Variants in GALNTL6 observed in about 807,000 individuals in gnomAD.
The protein encoded by GALNTL6 is polypeptide N-acetylgalactosaminyltransferase-like 6.
A neutral mutation model predicts 73.7 loss-of-function variants in GALNTL6; 46 were observed. The observed-to-expected ratio is 0.62, with a 90% CI of 0.49 to 0.80. The LOEUF is 0.80. Among genes scored for constraint, GALNTL6 ranks in the 30% least tolerant of loss-of-function variants. GALNTL6 has a pLI of 0.00. For missense variants in GALNTL6, 604 were observed against 755.0 expected, an observed-to-expected ratio of 0.80 and a Z score of 2.34; for synonymous variants, 259 against 263.7, an observed-to-expected ratio of 0.98 and a Z score of 0.17.
At chr4:172,115,411 AGAT>A (rs1479350326) in intron 2 of GALNTL6, among the ~76,000 whole-genome samples, 1 of 152,174 alleles carries the variant, frequency 6.6e-6, no homozygotes, top group Non-Finnish European at 1.5e-5. Context: ...AGCTTAGTGA[AGAT>A]GATGTAAAAT....
In GALNTL6 at chr4:172,289,890, C is replaced by T. The variant is rs116435107; in HGVS notation, c.248-21724C>T. Among the ~76,000 whole-genome samples the T allele has an allele frequency of 6.0e-3, 916 of 152,254 alleles. 11 individuals carry two copies. The highest frequency in any genetic ancestry group is 0.02 in the African/African-American group (849 of 41,566). ...AAAGAGACTTAAGCTATTCTCTAGACTTCTTGGTTATTACTCATGTAGTTA... is the reference window on the plus strand; with the variant it reads ...AAAGAGACTTAAGCTATTCTCTAGATTTCTTGGTTATTACTCATGTAGTTA... On this transcript the variant is annotated intron_variant, in intron 3 of 12. Transcript: ENST00000506823.
At chr4:172,118,238 A>G (rs912678354) in intron 2 of GALNTL6, among the ~76,000 whole-genome samples, 1 of 152,158 alleles carries the variant, frequency 6.6e-6, no homozygotes, top group East Asian at 1.9e-4. Flanking sequence ...TTAATTTGAA[A>G]TATAAAATTT....
intron 2 of GALNTL6, among the ~76,000 whole-genome samples, chr4:171,966,209 A>G (rs898355201): frequency 2.2e-4 from 33 of 152,198 alleles, no homozygotes; most frequent in Non-Finnish European, 4.4e-4. Context: ...ACCTTCTGGC[A>G]TCTCCAGCAC....
chr4:172,890,467 G>A (rs937803174), intron 8 of GALNTL6, among the ~76,000 whole-genome samples: 3 of 152,082 alleles, frequency 2.0e-5, no homozygotes, highest in African/African-American at 7.2e-5. Flanking sequence ...TCATTCAGGA[G>A]CAAGTTGTTT....
chr4:172,721,771 G>A (rs1409979849), intron 5 of GALNTL6, among the ~76,000 whole-genome samples: 1 of 152,140 alleles, frequency 6.6e-6, no homozygotes, highest in Non-Finnish European at 1.5e-5. Flanking sequence ...ACTTTATGTG[G>A]TCTTTTAGAT....
At chr4:172,171,835 A>G (rs1424723022) in intron 2 of GALNTL6, among the ~76,000 whole-genome samples, 2 of 152,150 alleles carry the variant, frequency 1.3e-5, no homozygotes, top group Non-Finnish European at 2.9e-5. Flanking sequence ...AAAGCAAAAA[A>G]GATGTAGGAC....
At chr4:173,024,700 C>G (rs1753161944) in intron 12 of GALNTL6, among the ~76,000 whole-genome samples, 1 of 152,178 alleles carries the variant, frequency 6.6e-6, no homozygotes, top group African/African-American at 2.4e-5. Context: ...CCTGCCTCAG[C>G]CTCCCAAGTA....
At chr4:172,816,778 A>G (rs1648344519) in intron 7 of GALNTL6, among the ~76,000 whole-genome samples, 2 of 152,166 alleles carry the variant, frequency 1.3e-5, no homozygotes, top group Non-Finnish European at 2.9e-5. Context: ...AAATTATTAT[A>G]TGGTGGTCAT....
chr4:171,825,129 A>C (rs759300604), intron 2 of GALNTL6, among the ~76,000 whole-genome samples: 8 of 152,206 alleles, frequency 5.3e-5, no homozygotes, highest in Non-Finnish European at 7.3e-5. Flanking sequence ...CTAGTTGCCA[A>C]AGACAATTCT....
chr4:172,341,739 C>T (rs946750200), intron 4 of GALNTL6, among the ~76,000 whole-genome samples: 17 of 152,182 alleles, frequency 1.1e-4, no homozygotes, highest in Non-Finnish European at 2.1e-4. Context: ...TCCTCCTTCC[C>T]TCCCTCCATG....
intron 2 of GALNTL6, among the ~76,000 whole-genome samples, chr4:172,040,833 A>G (rs1021665991): frequency 2.0e-4 from 30 of 152,218 alleles, no homozygotes; most frequent in African/African-American, 7.0e-4. Flanking sequence ...ATTATCTTAG[A>G]ATAATTAAAC....
At chr4:171,994,291 T>C (rs1740423206) in intron 2 of GALNTL6, among the ~76,000 whole-genome samples, 1 of 152,052 alleles carries the variant, frequency 6.6e-6, no homozygotes, top group Non-Finnish European at 1.5e-5. Flanking sequence ...GTGGTCTTAA[T>C]TGGCAATTAA....
At position 172,070,753 on chromosome 4, in the gene GALNTL6, CT is replaced by C. The variant is rs754886079; in HGVS notation, c.139-158902del. On this transcript the variant is annotated intron_variant, in intron 2 of 12. Transcript: ENST00000506823. Reference sequence around the variant, plus strand: ...GTAAGACAGATAGTAAAAAAGATCTCTGTTAATTCATGTTCTAGAAAGGATA... The same window carrying C: ...GTAAGACAGATAGTAAAAAAGATCTCGTTAATTCATGTTCTAGAAAGGATA... Among the ~76,000 whole-genome samples, 18 of 110,098 alleles carry C rather than the reference CT, an allele frequency of 1.6e-4. 4 individuals carry two copies. Among genetic ancestry groups the C allele is most frequent in the Non-Finnish European group, 1.0e-4 (5 of 49,596 alleles). The allele number at this position is 110,098 out of a possible 152,430, so 72.2% of individuals were successfully genotyped here.
intron 2 of GALNTL6, among the ~76,000 whole-genome samples, chr4:172,210,857 A>G (rs1377207626): frequency 1.3e-5 from 2 of 152,160 alleles, no homozygotes; most frequent in Non-Finnish European, 2.9e-5. Context: ...TTATTTATTT[A>G]TTCAATCATT....
chr4:172,099,832 T>C (rs1245795061), intron 2 of GALNTL6, among the ~76,000 whole-genome samples: 2 of 152,176 alleles, frequency 1.3e-5, no homozygotes, highest in African/African-American at 4.8e-5. Context: ...GGTCTTTGCA[T>C]GAAACCACGA....
chr4:172,429,696 G>A (rs965677761), intron 5 of GALNTL6, among the ~76,000 whole-genome samples: 2 of 152,104 alleles, frequency 1.3e-5, no homozygotes, highest in African/African-American at 4.8e-5. Flanking sequence ...CTAAGATGTA[G>A]GCTTTCACCT....
chr4:172,764,089 G>A (rs1439949025), intron 5 of GALNTL6, among the ~76,000 whole-genome samples: 1 of 151,872 alleles, frequency 6.6e-6, no homozygotes. Context: ...CTCCCAAGTA[G>A]CTGGGATTAC....
intron 7 of GALNTL6, among the ~76,000 whole-genome samples, chr4:172,854,352 A>G (rs1002206225): frequency 5.9e-5 from 9 of 152,214 alleles, no homozygotes; most frequent in Non-Finnish European, 1.2e-4. Context: ...ATTTTTGTAT[A>G]TGTCATAGAA....
intron 2 of GALNTL6, among the ~76,000 whole-genome samples, chr4:172,056,309 T>C (rs1025572081): frequency 6.6e-6 from 1 of 152,170 alleles, no homozygotes; most frequent in African/African-American, 2.4e-5. Context: ...GCCTTGAGGA[T>C]ATTATGTAAA....
Sources: gnomAD v4.1 joint callset for allele counts (sites outside exome capture counted in the v4.1 genomes callset) on GRCh38, gnomAD v4.1.1 for gene constraint, MANE v1.5 for transcripts, NCBI Gene and HGNC (gene_info 2026-07-23, HGNC 2026-07-21) for gene names.